The following RALGPS1 variants were observed in gnomAD, a reference collection of about 807,000 sequenced individuals.
RALGPS1 encodes ras-specific guanine nucleotide-releasing factor RalGPS1.
Under a neutral mutation model 78.8 loss-of-function variants are expected in RALGPS1, and 19 were observed. The ratio of observed to expected loss-of-function variants is 0.24; its 90% CI spans 0.17 to 0.35. The LOEUF (loss-of-function observed/expected upper bound fraction) is 0.35. RALGPS1 is among the 10% of genes least tolerant of loss of function. The pLI is 1.00. For synonymous variants in RALGPS1, 228 were observed against 256.3 expected, an observed-to-expected ratio of 0.89 and a Z score of 1.06; for missense variants, 454 against 688.3, an observed-to-expected ratio of 0.66 and a Z score of 3.81.
At position 127,166,046 on chromosome 9, in the gene RALGPS1, T is replaced by C. The variant is rs372019867; in HGVS notation, c.611-23T>C. ...GGTTTGTGGTAAGCTCCTTCCATCA[T>C]GAAATATCTTCTTTAATTTTAGGAA... is the stretch of plus-strand genomic sequence containing the variant. On this transcript the variant is annotated intron_variant, in intron 8 of 18. Transcript: ENST00000259351. The C allele has an allele frequency of 5.4e-5, 86 of 1,592,728 alleles. No individual in the cohort carries two copies. The African/African-American group carries it at 1.1e-3, about 20-fold the overall frequency.
At chr9:127,034,614 C>A in intron 5 of RALGPS1, 100 bp downstream of exon 5, 2 of 1,034,956 alleles carry the variant, frequency 1.9e-6, no homozygotes, top group Non-Finnish European at 3.0e-6. Flanking sequence ...AGGCTCCCAG[C>A]TGGCCCCAGA....
At chr9:127,012,558 C>T (rs1427394543) in intron 4 of RALGPS1, among the ~76,000 whole-genome samples, 1 of 152,210 alleles carries the variant, frequency 6.6e-6, no homozygotes, top group Non-Finnish European at 1.5e-5. Context: ...ACTGTGGAAA[C>T]CCCTAAGCTG....
intron 8 of RALGPS1, 32 bp downstream of exon 8, chr9:127,069,388 A>G: frequency 6.2e-7 from 1 of 1,605,944 alleles, no homozygotes; most frequent in Non-Finnish European, 8.5e-7. Flanking sequence ...TTTTTTTTTA[A>G]GAAACCTACT....
chr9:127,071,710 T>C (rs550482004), intron 8 of RALGPS1, among the ~76,000 whole-genome samples: 6 of 152,358 alleles, frequency 3.9e-5, no homozygotes, highest in African/African-American at 1.2e-4. Flanking sequence ...ATTCTTTAAA[T>C]ACTCCCTATA....
rs564379134 is a variant in RALGPS1, at chr9:126,967,401, G to C, written c.165+1450G>C. Among the ~76,000 whole-genome samples the C allele has an allele frequency of 3.3e-5, 5 of 152,208 alleles. No homozygotes were observed. In the East Asian group the frequency reaches 9.6e-4, roughly 29 times the overall value. On this transcript the variant is annotated intron_variant, in intron 3 of 18. Coordinates refer to ENST00000259351, the MANE Select transcript of RALGPS1 (RefSeq NM_014636.3). ...CAGTCTTCATGGCTCTTCCTTAGTTGTCTGCTCACTCTGTGTTCAAATGTC... is the reference window on the plus strand; with the variant it reads ...CAGTCTTCATGGCTCTTCCTTAGTTCTCTGCTCACTCTGTGTTCAAATGTC...
chr9:127,192,813 G>A (rs151143248), intron 11 of RALGPS1, among the ~76,000 whole-genome samples: 13 of 152,348 alleles, frequency 8.5e-5, no homozygotes, highest in Non-Finnish European at 1.5e-4. Flanking sequence ...AAGAGGTGGT[G>A]ACAGTGATTG....
In RALGPS1 at chr9:126,979,903, A is replaced by G. The variant is rs188414833; in HGVS notation, c.216+2158A>G. Among the ~76,000 whole-genome samples, 256 of 152,278 alleles carry G rather than the reference A, an allele frequency of 1.7e-3. 3 individuals carry two copies. Among genetic ancestry groups the G allele is most frequent in the Non-Finnish European group, 1.7e-3 (117 of 68,022 alleles). ...CCTCCCCAACACTCCCCCACAGACC[A>G]TTGAATCTGAACTTAAATCTCTTGA... is the stretch of plus-strand genomic sequence containing the variant. On this transcript the variant is annotated intron_variant, in intron 4 of 18. Transcript: ENST00000259351.
Position 127,183,282 on chromosome 9 carries a change from G to A in RALGPS1, c.910+8500G>A, listed in dbSNP as rs2060403363. Among the ~76,000 whole-genome samples the A allele has an allele frequency of 6.6e-6, 1 of 152,178 alleles. No individual in the cohort carries two copies. The highest frequency in any genetic ancestry group is 2.4e-5 in the African/African-American group (1 of 41,418). On this transcript the variant is annotated intron_variant, in intron 11 of 18. Coordinates refer to ENST00000259351, the MANE Select transcript of RALGPS1 (RefSeq NM_014636.3). This position sits in a 1 kb window ranked among gnomAD's most constrained non-coding sequence, Gnocchi z 4.0. ...GATATCGCTGATGCTTCTTCTCCCA[G>A]GCACTTCCGTGGGTATTTCAGAGAT...
intron 11 of RALGPS1, among the ~76,000 whole-genome samples, chr9:127,188,056 CT>C (rs35971647): frequency 0.37 from 30,101 of 81,322 alleles, 4,388 homozygotes; most frequent in Non-Finnish European, 0.4. Flanking sequence ...GAATTAGAGC[CT>C]TTTTTTTTTT....
intron 4 of RALGPS1, among the ~76,000 whole-genome samples, chr9:126,985,566 A>G (rs966430231): frequency 6.6e-6 from 1 of 152,190 alleles, no homozygotes; most frequent in African/African-American, 2.4e-5. Flanking sequence ...TACTTACTTT[A>G]TATTATCCCG....
intron 4 of RALGPS1, among the ~76,000 whole-genome samples, chr9:126,999,957 C>A (rs1270270959): frequency 6.6e-6 from 1 of 152,118 alleles, no homozygotes; most frequent in East Asian, 1.9e-4. Context: ...TTCATTGAGC[C>A]TGTGCATTTT....
intron 8 of RALGPS1, among the ~76,000 whole-genome samples, chr9:127,076,889 G>A (rs529990691): frequency 1.3e-5 from 2 of 152,360 alleles, no homozygotes; most frequent in East Asian, 3.9e-4. Context: ...AATAAGCTGG[G>A]TGAAGAGGTG....
chr9:126,934,389 T>C (rs2036073307), intron 1 of RALGPS1, among the ~76,000 whole-genome samples: 1 of 152,230 alleles, frequency 6.6e-6, no homozygotes. Flanking sequence ...GTATTCCTGG[T>C]AAGCCAGTGC....
chr9:126,927,045 A>C (rs563492935), intron 1 of RALGPS1, among the ~76,000 whole-genome samples: 1 of 152,236 alleles, frequency 6.6e-6, no homozygotes, highest in Admixed American at 6.5e-5. Flanking sequence ...CTGGCCTGCT[A>C]ATCTGCAGCT....
chr9:127,155,808 G>A (rs1458909364), intron 8 of RALGPS1, among the ~76,000 whole-genome samples: 1 of 152,022 alleles, frequency 6.6e-6, no homozygotes, highest in Admixed American at 6.5e-5. Context: ...AGAACGCTCG[G>A]AAATTCTTGT....
At chr9:127,130,451 C>T (rs968687507) in intron 8 of RALGPS1, among the ~76,000 whole-genome samples, 1 of 152,290 alleles carries the variant, frequency 6.6e-6, no homozygotes, top group East Asian at 1.9e-4. Context: ...TTTAAGTTGT[C>T]CCTTTTTGGT....
chr9:127,043,303 A>G (rs1003941414), intron 5 of RALGPS1, among the ~76,000 whole-genome samples: 1 of 152,154 alleles, frequency 6.6e-6, no homozygotes, highest in South Asian at 2.1e-4. Flanking sequence ...ATAGACCTAC[A>G]CAAATATGGT....
At chr9:126,926,887 C>T (rs558035987) in intron 1 of RALGPS1, among the ~76,000 whole-genome samples, 8 of 152,148 alleles carry the variant, frequency 5.3e-5, no homozygotes, top group African/African-American at 7.2e-5. Flanking sequence ...GTTTCTCACT[C>T]GGTGCCATGA....
intron 8 of RALGPS1, chr9:127,089,109 A>G: frequency 6.2e-7 from 1 of 1,614,222 alleles, no homozygotes. Flanking sequence ...TTATACCACC[A>G]GCCTCCCTTC....
Sources: gnomAD v4.1 joint callset for allele counts (sites outside exome capture counted in the v4.1 genomes callset) on GRCh38, gnomAD v4.1.1 for gene constraint, Gnocchi (gnomAD v3.1) non-coding constraint, MANE v1.5 for transcripts, NCBI Gene and HGNC (gene_info 2026-07-23, HGNC 2026-07-21) for gene names.